RNF138: variants seen among roughly 807,000 people sequenced by gnomAD.
The protein encoded by RNF138 is E3 ubiquitin-protein ligase RNF138.
RNF138 carries 12 observed loss-of-function variants against 31.0 expected under a neutral mutation model. The observed-to-expected ratio is 0.39, with a 90% CI of 0.25 to 0.63. The LOEUF is 0.63. Ranked by LOEUF, RNF138 falls within the 20% of genes least tolerant of loss-of-function variation. The pLI is 0.52. For synonymous variants in RNF138, 105 were observed against 99.5 expected (o/e 1.06, Z -0.33); for missense variants, 192 against 300.1 (o/e 0.64, Z 2.66).
At chr18:32,104,125 T>A (rs2039989506) in intron 2 of RNF138, among the ~76,000 whole-genome samples, 1 of 151,274 alleles carries the variant, frequency 6.6e-6, no homozygotes, top group South Asian at 2.1e-4. Context: ...GCAATTCTAG[T>A]GACTTAGCCT....
At chr18:32,114,813 G>A (rs528141573) in intron 4 of RNF138, among the ~76,000 whole-genome samples, 10 of 152,148 alleles carry the variant, frequency 6.6e-5, no homozygotes, top group Admixed American at 1.3e-4. Context: ...TAACTTAACC[G>A]CCCTTAAGCA....
intron 4 of RNF138, among the ~76,000 whole-genome samples, chr18:32,118,730 G>C (rs1001594406): frequency 6.6e-6 from 1 of 152,120 alleles, no homozygotes; most frequent in African/African-American, 2.4e-5. Flanking sequence ...TCAGGAGGCT[G>C]AGGCAGGAGA....
At chr18:32,109,093 G>C (rs1449560404) in intron 2 of RNF138, among the ~76,000 whole-genome samples, 1 of 151,820 alleles carries the variant, frequency 6.6e-6, no homozygotes, top group South Asian at 2.1e-4. Context: ...TGTGAGTTTA[G>C]GTTGGTTCAT....
intron 4 of RNF138, among the ~76,000 whole-genome samples, chr18:32,120,455 G>A (rs550079167): frequency 6.6e-6 from 1 of 152,268 alleles, no homozygotes; most frequent in South Asian, 2.1e-4. Flanking sequence ...TAAAAAGCAA[G>A]ACATAACTAT....
chr18:32,120,295 A>G (rs2040282723), intron 4 of RNF138, among the ~76,000 whole-genome samples: 4 of 152,174 alleles, frequency 2.6e-5, no homozygotes, highest in Admixed American at 2.6e-4. Flanking sequence ...TATGAAATTA[A>G]AAACATATAT....
At chr18:32,127,451 C>T (rs781071348) in intron 7 of RNF138, among the ~76,000 whole-genome samples, 21 of 152,150 alleles carry the variant, frequency 1.4e-4, no homozygotes, top group Non-Finnish European at 2.5e-4. Flanking sequence ...TTAGTCCTGA[C>T]AAAGAATGGC....
rs147732866 is a variant in RNF138, at chr18:32,128,229, C to T, written c.670-890C>T. Among the ~76,000 whole-genome samples the T allele has an allele frequency of 3.3e-5, 5 of 152,252 alleles. No homozygotes were observed. In the East Asian group the frequency reaches 7.7e-4, roughly 24 times the overall value. On this transcript the variant is annotated intron_variant, in intron 7 of 7. Coordinates refer to ENST00000261593, the MANE Select transcript of RNF138 (RefSeq NM_016271.5). The stretch of plus-strand genomic sequence containing the variant: ...TAACGATTGAATAAGCTGTAGGCTT[C>T]ATGTTATGGTTAAGAATTTATTACT...
At chr18:32,113,161 T>G (rs1465519393) in intron 3 of RNF138, among the ~76,000 whole-genome samples, 1 of 152,112 alleles carries the variant, frequency 6.6e-6, no homozygotes, top group Non-Finnish European at 1.5e-5. Flanking sequence ...CAGCTTTGAC[T>G]TCCCAGGCTC....
chr18:32,129,081 T>C, intron 7 of RNF138, 38 bp from the exon 8 acceptor site: 1 of 1,402,670 alleles, frequency 7.1e-7, no homozygotes, highest in Non-Finnish European at 1.0e-6. Flanking sequence ...AGTAGTTGAA[T>C]ATGTTTTTCC....
At chr18:32,107,510 TTTTG>T (rs149799964) in intron 2 of RNF138, among the ~76,000 whole-genome samples, 48 of 150,610 alleles carry the variant, frequency 3.2e-4, no homozygotes, top group African/African-American at 1.0e-3. Context: ...TAATTTAGTT[TTTTG>T]TTTGTTTGTT....
intron 3 of RNF138, among the ~76,000 whole-genome samples, chr18:32,112,479 A>G (rs1312872143): frequency 6.6e-6 from 1 of 152,214 alleles, no homozygotes; most frequent in Non-Finnish European, 1.5e-5. Flanking sequence ...TGAGGTCAGG[A>G]GTTCGAGACC....
intron 2 of RNF138, 99 bp downstream of exon 2, chr18:32,092,985 G>A (rs971389931): frequency 1.0e-5 from 6 of 575,798 alleles, no homozygotes; most frequent in East Asian, 3.5e-5. Context: ...AACCGAGCCC[G>A]CCGCGGCCTG....
chr18:32,099,569 A>AT (rs1433697248), intron 2 of RNF138, among the ~76,000 whole-genome samples: 1 of 151,906 alleles, frequency 6.6e-6, no homozygotes, highest in Non-Finnish European at 1.5e-5. Flanking sequence ...TACCCGGCTA[A>AT]TTTTTTTGTA....
intron 2 of RNF138, among the ~76,000 whole-genome samples, chr18:32,103,456 G>A (rs890506107): frequency 4.0e-5 from 6 of 151,684 alleles, no homozygotes; most frequent in Non-Finnish European, 7.4e-5. Flanking sequence ...GCCTCCCAAA[G>A]TGTTGAGATT....
At chr18:32,124,928 A>G in intron 6 of RNF138, 83 bp downstream of exon 6, 1 of 730,286 alleles carries the variant, frequency 1.4e-6, no homozygotes, top group Non-Finnish European at 2.4e-6. Flanking sequence ...TGCAAGAGAA[A>G]GTAGTTGATT....
intron 3 of RNF138, 99 bp from the exon 4 acceptor site, chr18:32,113,646 A>T (rs1239620623): frequency 1.9e-6 from 1 of 537,710 alleles, no homozygotes; most frequent in Non-Finnish European, 3.2e-6. Flanking sequence ...TCCTGTTTAA[A>T]TGGAGTATTT....
intron 6 of RNF138, among the ~76,000 whole-genome samples, chr18:32,126,334 A>T (rs1478677330): frequency 6.6e-6 from 1 of 152,246 alleles, no homozygotes; most frequent in African/African-American, 2.4e-5. Context: ...AATAATAATT[A>T]TATGGTTATT....
chr18:32,098,522 TTTC>T (rs1271543903), intron 2 of RNF138, among the ~76,000 whole-genome samples: 1 of 148,660 alleles, frequency 6.7e-6, no homozygotes, highest in Admixed American at 6.9e-5. Context: ...TTAAAATAAT[TTTC>T]TTCTTTCCTA....
chr18:32,124,666 A>G (rs965712069), intron 5 of RNF138, 68 bp from the exon 6 acceptor site: 7 of 798,926 alleles, frequency 8.8e-6, no homozygotes, highest in South Asian at 2.8e-5. Flanking sequence ...TGATTCCTCA[A>G]AAAATAGGAG....
Sources: gnomAD v4.1 joint callset for allele counts (sites outside exome capture counted in the v4.1 genomes callset) on GRCh38, gnomAD v4.1.1 for gene constraint, MANE v1.5 for transcripts, NCBI Gene and HGNC (gene_info 2026-07-23, HGNC 2026-07-21) for gene names.